The following PDE1A variants were observed in gnomAD, a reference collection of about 807,000 sequenced individuals.
The protein encoded by PDE1A is dual specificity calcium/calmodulin-dependent 3',5'-cyclic nucleotide phosphodiesterase 1A.
A neutral mutation model predicts 61.7 loss-of-function variants in PDE1A; 35 were observed. That is an observed-to-expected ratio of 0.57 (90% CI 0.43 to 0.75). PDE1A has a LOEUF of 0.75. Among genes scored for constraint, PDE1A ranks in the 30% least tolerant of loss-of-function variants. PDE1A has a pLI of 0.00. For synonymous variants in PDE1A, 232 were observed against 213.2 expected, an observed-to-expected ratio of 1.09 and a Z score of -0.77; for missense variants, 597 against 630.6, an observed-to-expected ratio of 0.95 and a Z score of 0.57.
At chr2:182,168,413 A>G (rs1691805899) in intron 13 of PDE1A, 6 of 849,558 alleles carry the variant, frequency 7.1e-6, no homozygotes, top group Non-Finnish European at 1.0e-5. Context: ...TCGTAAAATT[A>G]TGAAGAGAAA....
intron 2 of PDE1A, among the ~76,000 whole-genome samples, chr2:182,515,614 G>A (rs1690083164): frequency 1.3e-5 from 2 of 152,182 alleles, no homozygotes; most frequent in African/African-American, 2.4e-5. Flanking sequence ...GAGTTTTGAT[G>A]AAGTGGTTTT....
intron 7 of PDE1A, among the ~76,000 whole-genome samples, chr2:182,208,472 G>A (rs1687301742): frequency 6.6e-6 from 1 of 152,172 alleles, no homozygotes; most frequent in African/African-American, 2.4e-5. Context: ...CCTCCCAACA[G>A]GTCCCTCCCT....
intron 2 of PDE1A, among the ~76,000 whole-genome samples, chr2:182,479,859 T>TTTGATTC (rs1687598841): frequency 6.6e-6 from 1 of 151,842 alleles, no homozygotes; most frequent in East Asian, 1.9e-4. Flanking sequence ...GCAGAAGTCA[T>TTTGATTC]TTGATTCTTT....
the PDE1A span, among the ~76,000 whole-genome samples, chr2:182,574,385 A>C: frequency 6.6e-6 from 1 of 152,130 alleles, no homozygotes; most frequent in South Asian, 2.1e-4. Flanking sequence ...CACAAGTCCA[A>C]CCCTTGTCAA....
chr2:182,572,845 G>A, the PDE1A span, among the ~76,000 whole-genome samples: 1 of 148,580 alleles, frequency 6.7e-6, no homozygotes, highest in African/African-American at 2.5e-5. Context: ...CTCCAGTCTG[G>A]GCGACAGAGC....
At chr2:182,567,300 T>A in the PDE1A span, among the ~76,000 whole-genome samples, 1 of 152,186 alleles carries the variant, frequency 6.6e-6, no homozygotes, top group Non-Finnish European at 1.5e-5. Context: ...GTGTTTGATA[T>A]CTCTCCCAGC....
chr2:182,183,386 G>A (rs996564317), intron 13 of PDE1A, among the ~76,000 whole-genome samples: 1 of 152,168 alleles, frequency 6.6e-6, no homozygotes, highest in Non-Finnish European at 1.5e-5. Flanking sequence ...TGACCTTCTT[G>A]CCTGAAGTTA....
the PDE1A span, among the ~76,000 whole-genome samples, chr2:182,658,810 T>A: frequency 6.6e-6 from 1 of 152,186 alleles, no homozygotes; most frequent in Non-Finnish European, 1.5e-5. Flanking sequence ...ATATGAGATG[T>A]CCAGAAGTTT....
chr2:182,625,053 G>T, the PDE1A span, among the ~76,000 whole-genome samples: 1 of 152,110 alleles, frequency 6.6e-6, no homozygotes, highest in Non-Finnish European at 1.5e-5. Flanking sequence ...CGTGAGAATG[G>T]TAGAACACTT....
intron 1 of PDE1A, among the ~76,000 whole-genome samples, chr2:182,361,211 T>C (rs1465041191): frequency 2.0e-5 from 3 of 152,114 alleles, no homozygotes; most frequent in Admixed American, 6.6e-5. Flanking sequence ...ATTCTGTTAT[T>C]AACATGATTA....
the PDE1A span, among the ~76,000 whole-genome samples, chr2:182,593,210 T>C: frequency 6.6e-6 from 1 of 152,198 alleles, no homozygotes; most frequent in Non-Finnish European, 1.5e-5. Flanking sequence ...GTACTTGCAG[T>C]GTCATCCCCA....
chr2:182,555,782 A>G, the PDE1A span, among the ~76,000 whole-genome samples: 1 of 151,906 alleles, frequency 6.6e-6, no homozygotes, highest in Non-Finnish European at 1.5e-5. Flanking sequence ...CCTGGCCGAC[A>G]TGATGAAACC....
intron 1 of PDE1A, among the ~76,000 whole-genome samples, chr2:182,408,140 GTCAA>G (rs1702407566): frequency 7.2e-6 from 1 of 138,242 alleles, no homozygotes; most frequent in Non-Finnish European, 1.5e-5. Flanking sequence ...CTGGAGTTTA[GTCAA>G]TCAATTTATG....
At chr2:182,403,911 A>T (rs928854351) in intron 1 of PDE1A, among the ~76,000 whole-genome samples, 4 of 152,150 alleles carry the variant, frequency 2.6e-5, no homozygotes, top group Non-Finnish European at 5.9e-5. Flanking sequence ...GCAGCAAACC[A>T]CTATGGCACG....
intron 2 of PDE1A, among the ~76,000 whole-genome samples, chr2:182,459,276 A>T (rs1686121204): frequency 6.6e-6 from 1 of 152,130 alleles, no homozygotes; most frequent in Non-Finnish European, 1.5e-5. Flanking sequence ...CTTAAGAGAG[A>T]AGTTCAGAGA....
At chr2:182,600,018 T>A in the PDE1A span, among the ~76,000 whole-genome samples, 1 of 152,186 alleles carries the variant, frequency 6.6e-6, no homozygotes, top group African/African-American at 2.4e-5. Context: ...ACAATCCTAC[T>A]CTACTCCCAG....
intron 7 of PDE1A, among the ~76,000 whole-genome samples, chr2:182,212,450 C>A (rs917301963): frequency 5.9e-5 from 9 of 152,178 alleles, no homozygotes; most frequent in Non-Finnish European, 1.3e-4. Flanking sequence ...CGGTCTACAG[C>A]TCCCAGCGTG....
chr2:182,587,693 C>T, the PDE1A span, among the ~76,000 whole-genome samples: 1 of 152,128 alleles, frequency 6.6e-6, no homozygotes, highest in Non-Finnish European at 1.5e-5. Context: ...ACTGACTTCC[C>T]CTTTCTTAGT....
At chr2:182,288,951 G>C (rs1315484234) in intron 1 of PDE1A, among the ~76,000 whole-genome samples, 1 of 152,024 alleles carries the variant, frequency 6.6e-6, no homozygotes, top group East Asian at 1.9e-4. Flanking sequence ...AATCATTTCA[G>C]AGAGATTTGC....
Sources: gnomAD v4.1 joint callset for allele counts (sites outside exome capture counted in the v4.1 genomes callset) on GRCh38, gnomAD v4.1.1 for gene constraint, MANE v1.5 for transcripts, NCBI Gene and HGNC (gene_info 2026-07-23, HGNC 2026-07-21) for gene names.